Variants in PCSK5 observed in about 807,000 individuals in gnomAD.
The protein encoded by PCSK5 is proprotein convertase subtilisin/kexin type 5.
Under a neutral mutation model 233.2 loss-of-function variants are expected in PCSK5, and 129 were observed. That is an observed-to-expected ratio of 0.55 (90% confidence interval 0.48 to 0.64). PCSK5 has a LOEUF of 0.64. Ranked by LOEUF, PCSK5 falls within the 30% of genes least tolerant of loss-of-function variation. The pLI, the probability that PCSK5 is intolerant of heterozygous loss-of-function variation, is 0.00. For missense variants in PCSK5, 2,076 were observed against 2,430.1 expected, an observed-to-expected ratio of 0.85 and a Z score of 3.06; for synonymous variants, 825 against 879.2, an observed-to-expected ratio of 0.94 and a Z score of 1.09.
At chr9:75,977,441 G>A (rs556196546) in intron 2 of PCSK5, among the ~76,000 whole-genome samples, 1 of 138,840 alleles carries the variant, frequency 7.2e-6, no homozygotes. Flanking sequence ...TTGTTCTTCC[G>A]TGTTTATCCA....
At chr9:75,940,805 A>G (rs1824268649) in intron 2 of PCSK5, among the ~76,000 whole-genome samples, 1 of 152,324 alleles carries the variant, frequency 6.6e-6, no homozygotes, top group South Asian at 2.1e-4. Context: ...ATTGATCTGT[A>G]ATTGATCCAT....
At chr9:75,970,513 A>C (rs565956926) in intron 2 of PCSK5, among the ~76,000 whole-genome samples, 1 of 152,178 alleles carries the variant, frequency 6.6e-6, no homozygotes, top group Non-Finnish European at 1.5e-5. Flanking sequence ...ACCATTTTAA[A>C]ATGCTTCCAG....
intron 3 of PCSK5, among the ~76,000 whole-genome samples, chr9:76,013,576 ATTGC>A (rs1827822376): frequency 6.6e-6 from 1 of 152,126 alleles, no homozygotes; most frequent in Non-Finnish European, 1.5e-5. Context: ...TAAATTATGT[ATTGC>A]TTTTCTATTT....
intron 36 of PCSK5, 76 bp from the exon 37 acceptor site, chr9:76,353,957 G>A (rs1270125243): frequency 9.9e-7 from 1 of 1,011,514 alleles, no homozygotes; most frequent in East Asian, 2.6e-5. Context: ...AAGACAAGAT[G>A]AGATACAATC....
At chr9:75,973,863 C>T (rs1473201001) in intron 2 of PCSK5, among the ~76,000 whole-genome samples, 3 of 152,042 alleles carry the variant, frequency 2.0e-5, no homozygotes, top group East Asian at 1.9e-4. Flanking sequence ...GGCAGAGGGC[C>T]GAGGAGTGGA....
intron 30 of PCSK5, among the ~76,000 whole-genome samples, chr9:76,315,928 GT>G (rs71499141): frequency 0.14 from 13,198 of 91,932 alleles, 182 homozygotes; most frequent in African/African-American, 0.17. Context: ...CACTTCAAGG[GT>G]TTTTTTTTTT....
At chr9:75,954,058 G>C (rs1186438337) in intron 2 of PCSK5, among the ~76,000 whole-genome samples, 8 of 152,048 alleles carry the variant, frequency 5.3e-5, no homozygotes, top group Admixed American at 6.6e-5. Flanking sequence ...AAGAATAAAA[G>C]GACACTGTAA....
intron 10 of PCSK5, among the ~76,000 whole-genome samples, chr9:76,144,577 G>T (rs1823365259): frequency 6.6e-6 from 1 of 152,176 alleles, no homozygotes; most frequent in South Asian, 2.1e-4. Context: ...AATGTGCCCT[G>T]CAGTGGGATG....
Position 76,181,392 on chromosome 9 carries a change from A to G in PCSK5, c.2004-6A>G. ...CTGCCTTCTTTCTTATTGTTTCACA[A>G]TGCAGGATCTGTGTCTCCAGCTGCC... is the stretch of plus-strand genomic sequence containing the variant. On this transcript the variant is annotated splice_polypyrimidine_tract_variant and splice_region_variant and intron_variant, in intron 15 of 37. Transcript: ENST00000674117. 6.2e-7 allele frequency: 1 copy of G among 1,610,158 alleles called. No individual in the cohort carries two copies. Among genetic ancestry groups the G allele is most frequent in the Non-Finnish European group, 8.5e-7 (1 of 1,178,142 alleles).
intron 20 of PCSK5, among the ~76,000 whole-genome samples, chr9:76,224,764 C>T (rs1825835723): frequency 6.6e-6 from 1 of 152,084 alleles, no homozygotes; most frequent in African/African-American, 2.4e-5. Flanking sequence ...CATGCAAAGC[C>T]AGAGTATTAA....
chr9:76,302,782 G>T (rs1157571682), intron 28 of PCSK5, among the ~76,000 whole-genome samples: 11 of 152,074 alleles, frequency 7.2e-5, no homozygotes, highest in African/African-American at 2.7e-4. Flanking sequence ...TATGAAAAAG[G>T]GTGGAGAAGG....
At position 76,338,371 on chromosome 9, in the gene PCSK5, C is replaced by T; in HGVS notation, c.4890C>T (p.Ser1630=). The T allele has an allele frequency of 1.9e-6, 3 of 1,612,770 alleles. No homozygotes were observed. Among genetic ancestry groups the T allele is most frequent in the Non-Finnish European group, 1.7e-6 (2 of 1,179,800 alleles). The stretch of plus-strand genomic sequence containing the variant: ...GCTCCAAAGGAGAGTGTCATCGCTC[C>T]TGCCCAGACCATTACTATGTAGAGC... ...LLRSKGECHR[S]CPDHYYVEQS... The change falls in exon 35 of 38, where the codon TCC becomes TCT. Residue 1630 remains serine, a synonymous_variant. Coordinates refer to ENST00000674117, the MANE Select transcript of PCSK5 (RefSeq NM_001372043.1).
rs1337813834 is a variant in PCSK5 at position 76,340,631 on chromosome 9, G to A, written c.4966+2184G>A. Among the ~76,000 whole-genome samples, 16 of 104,500 alleles carry A rather than the reference G, an allele frequency of 1.5e-4. No individual in the cohort carries two copies. The East Asian group carries it at 4.1e-3, about 27-fold the overall frequency. The allele number at this position is 104,500 out of a possible 152,430, so 68.6% of individuals were successfully genotyped here. On this transcript the variant is annotated intron_variant, in intron 35 of 37. Transcript: ENST00000674117. The stretch of plus-strand genomic sequence containing the variant: ...TTGCACTCCAGCGTGGCAACAGAAC[G>A]AGACTGTCAAAAAAAAAAAAAAAAA...
intron 1 of PCSK5, among the ~76,000 whole-genome samples, chr9:75,893,746 C>T (rs1297276563): frequency 6.6e-6 from 1 of 152,078 alleles, no homozygotes; most frequent in Non-Finnish European, 1.5e-5. Context: ...CAAATAACAC[C>T]AAGGATGATT....
intron 35 of PCSK5, 35 bp from the exon 36 acceptor site, chr9:76,350,793 G>A: frequency 8.1e-7 from 1 of 1,231,828 alleles, no homozygotes; most frequent in Non-Finnish European, 1.2e-6. Flanking sequence ...GAAATCTAAG[G>A]TCAATCTCAT....
chr9:76,309,077 G>T (rs937861020), intron 29 of PCSK5, among the ~76,000 whole-genome samples: 2 of 152,052 alleles, frequency 1.3e-5, no homozygotes, highest in East Asian at 1.9e-4. Context: ...AATTAGCTGG[G>T]CATGGTGGCA....
At chr9:76,177,951 T>A (rs78944623) in intron 14 of PCSK5, among the ~76,000 whole-genome samples, 2 of 37,754 alleles carry the variant, frequency 5.3e-5, no homozygotes, top group African/African-American at 1.6e-4. Context: ...ATGTTTGGGA[T>A]TTTTTTTTTT....
At chr9:76,130,127 G>A (rs1430890781) in intron 9 of PCSK5, among the ~76,000 whole-genome samples, 1 of 152,048 alleles carries the variant, frequency 6.6e-6, no homozygotes, top group Non-Finnish European at 1.5e-5. Flanking sequence ...TGATTTTCCT[G>A]GTGTGTTATT....
intron 7 of PCSK5, among the ~76,000 whole-genome samples, chr9:76,084,513 GT>G (rs1830983174): frequency 6.6e-6 from 1 of 152,172 alleles, no homozygotes; most frequent in Non-Finnish European, 1.5e-5. Flanking sequence ...ATCAATAACA[GT>G]CCTTTGTTCT....
Sources: allele counts gnomAD v4.1 joint callset (sites outside exome capture counted in the v4.1 genomes callset), GRCh38; gene constraint gnomAD v4.1.1; transcripts MANE v1.5; gene names NCBI Gene and HGNC (gene_info 2026-07-23, HGNC 2026-07-21).